The following IP6K2 variants were observed in gnomAD, a reference collection of about 807,000 sequenced individuals.
IP6K2 encodes the protein ATP:1D-myo-inositol-hexakisphosphate phosphotransferase.
IP6K2 carries 9 observed loss-of-function variants against 43.3 expected under a neutral mutation model. The observed-to-expected ratio is 0.21, with a 90% CI of 0.13 to 0.36. The LOEUF (loss-of-function observed/expected upper bound fraction) is 0.36, where lower values mean the gene tolerates loss of function less well. IP6K2 is among the 10% of genes least tolerant of loss of function. The pLI, the probability that IP6K2 is intolerant of heterozygous loss-of-function variation, is 1.00. For synonymous variants in IP6K2, 209 were observed against 202.4 expected, an observed-to-expected ratio of 1.03 and a Z score of -0.28; for missense variants, 332 against 538.4, an observed-to-expected ratio of 0.62 and a Z score of 3.79.
chr3:48,705,442 G>C (rs1162448686), intron 1 of IP6K2, among the ~76,000 whole-genome samples: 1 of 152,006 alleles, frequency 6.6e-6, no homozygotes, highest in Non-Finnish European at 1.5e-5. Flanking sequence ...ACTTTGGGAG[G>C]CCGAGGCGGG....
intron 1 of IP6K2, among the ~76,000 whole-genome samples, chr3:48,712,506 A>G (rs2080667478): frequency 6.6e-6 from 1 of 151,738 alleles, no homozygotes; most frequent in South Asian, 2.1e-4. Flanking sequence ...TTCACCTCCC[A>G]AAGTGCTGGG....
intron 2 of IP6K2, chr3:48,694,134 G>T: frequency 6.5e-7 from 1 of 1,528,668 alleles, no homozygotes; most frequent in Non-Finnish European, 8.8e-7. Flanking sequence ...GTGCAGAGGA[G>T]CCGGGGTGGG....
Position 48,689,730 on chromosome 3 carries a change from A to G in IP6K2, c.605-17T>C. 1 of 1,609,392 alleles carries G rather than the reference A, an allele frequency of 6.2e-7. No homozygotes were observed. Among genetic ancestry groups the G allele is most frequent in the Non-Finnish European group, 8.5e-7 (1 of 1,175,974 alleles). On this transcript the variant is annotated splice_polypyrimidine_tract_variant and intron_variant, in intron 4 of 5. Transcript: ENST00000328631. ...AGATAAATTCTGAGTAGTTAAGAAT[A>G]ATACCCCCAAAAGGAAGTGCTACTG...
chr3:48,704,424 G>C (rs547599025), intron 1 of IP6K2, among the ~76,000 whole-genome samples: 5 of 151,574 alleles, frequency 3.3e-5, no homozygotes, highest in Admixed American at 6.6e-5. Flanking sequence ...AGCATGAAGA[G>C]CTTTCTTACC....
chr3:48,714,847 C>CAA (rs61218247), intron 1 of IP6K2, among the ~76,000 whole-genome samples: 1,673 of 99,140 alleles, frequency 0.017, 81 homozygotes, highest in African/African-American at 0.033. Flanking sequence ...GACTCCGTCT[C>CAA]AAAAAAAAAA....
At position 48,688,887 on chromosome 3, in the gene IP6K2, G is replaced by T; in HGVS notation, c.781-114C>A. 8.9e-7 allele frequency: 1 copy of T among 1,129,130 alleles called. No individual in the cohort carries two copies. Among genetic ancestry groups the T allele is most frequent in the Non-Finnish European group, 1.3e-6 (1 of 799,976 alleles). 69.9% of individuals were successfully genotyped at this position (1,129,130 alleles called of 1,614,324 possible). ...CATGTGACAGCCCAGATCAGATAAA[G>T]TACACCAGTTGCACATGAGCCACTG... is the stretch of plus-strand genomic sequence containing the variant. On this transcript the variant is annotated intron_variant, in intron 5 of 5. Transcript: ENST00000328631. The surrounding 1 kb of genome is among the most constrained non-coding windows in gnomAD (Gnocchi z 5.1).
At chr3:48,716,382 T>C (rs1459958870) in intron 1 of IP6K2, 1 of 152,256 alleles carries the variant, frequency 6.6e-6, no homozygotes, top group East Asian at 1.9e-4. Context: ...TTTTCCCTGG[T>C]ATTTAAGAGC....
At chr3:48,693,342 G>C in intron 2 of IP6K2, 163 bp from the exon 3 acceptor site, 1 of 1,108,568 alleles carries the variant, frequency 9.0e-7, no homozygotes, top group Non-Finnish European at 1.4e-6. Context: ...AAAACAGCTA[G>C]AAAAGATGAC....
intron 1 of IP6K2, among the ~76,000 whole-genome samples, chr3:48,698,928 G>A (rs1023410803): frequency 6.6e-6 from 1 of 151,950 alleles, no homozygotes; most frequent in African/African-American, 2.4e-5. Flanking sequence ...GACAGAGTAA[G>A]ACCCTGTCTT....
intron 2 of IP6K2, chr3:48,694,022 CCT>C (rs1394177370): frequency 2.1e-6 from 3 of 1,400,292 alleles, no homozygotes; most frequent in Non-Finnish European, 2.8e-6. Flanking sequence ...TCCTCCCAGG[CCT>C]CTCTGCCCCA....
chr3:48,694,362 A>G, intron 2 of IP6K2: 2 of 1,544,812 alleles, frequency 1.3e-6, no homozygotes, highest in Admixed American at 2.0e-5. Flanking sequence ...CTTAAAGACA[A>G]TGTTTCAACA....
At position 48,695,191 on chromosome 3, in the gene IP6K2, C is replaced by T. The variant is rs755623255; in HGVS notation, c.101G>A (p.Arg34His). 6.9e-6 allele frequency: 11 copies of T among 1,591,636 alleles called. No homozygotes were observed. The highest frequency in any genetic ancestry group is 1.7e-4 in the Middle Eastern group (1 of 5,982). The change falls in exon 2 of 6, where the codon CGC becomes CAC. Residue 34 changes from arginine to histidine, a missense_variant. Transcript: ENST00000328631. This position sits in a 1 kb window ranked among gnomAD's most constrained non-coding sequence, Gnocchi z 4.6. Reference sequence around the variant, plus strand: ...CTTGCACAGGGTTGTCTCATTGAAGCGGAGCACGCATGAGTGCCCCCCGAC... The same window carrying T: ...CTTGCACAGGGTTGTCTCATTGAAGTGGAGCACGCATGAGTGCCCCCCGAC... ...HQVGGHSCVLRFNETTLCKPL... is the reference protein window; with the variant it reads ...HQVGGHSCVLHFNETTLCKPL...
intron 1 of IP6K2, among the ~76,000 whole-genome samples, chr3:48,712,242 A>T (rs894723023): frequency 3.6e-4 from 50 of 139,620 alleles, no homozygotes; most frequent in South Asian, 9.2e-4. Flanking sequence ...CAAAAAAAAA[A>T]TTTTTTTTTT....
chr3:48,708,049 G>A (rs943258965), intron 1 of IP6K2: 3 of 151,742 alleles, frequency 2.0e-5, no homozygotes, highest in African/African-American at 7.3e-5. Context: ...CACCAGCCTG[G>A]GCAAGATGGG....
intron 1 of IP6K2, among the ~76,000 whole-genome samples, chr3:48,713,284 G>A (rs1289418614): frequency 1.3e-5 from 2 of 152,182 alleles, no homozygotes; most frequent in Non-Finnish European, 2.9e-5. Flanking sequence ...TGTTGGCCCC[G>A]AAGCAGCCCC....
chr3:48,688,070 T>A lies in IP6K2; in HGVS notation c.*203A>T. The A allele has an allele frequency of 1.7e-6, 1 of 601,786 alleles. No homozygotes were observed. Among genetic ancestry groups the A allele is most frequent in the East Asian group, 2.8e-5 (1 of 36,184 alleles). 37.3% of individuals were successfully genotyped at this position (601,786 alleles called of 1,614,324 possible). On this transcript the variant is annotated 3_prime_UTR_variant, in exon 6 of 6. Coordinates refer to ENST00000328631, the MANE Select transcript of IP6K2 (RefSeq NM_016291.4). This position sits in a 1 kb window ranked among gnomAD's most constrained non-coding sequence, Gnocchi z 5.1. ...GGAAGAAAGAGGTATCATCATCAAA[T>A]GTGGAATGTTGAAGAAATAGTTAAA...
chr3:48,711,321 A>G (rs2080489890), intron 1 of IP6K2: 1 of 152,222 alleles, frequency 6.6e-6, no homozygotes, highest in African/African-American at 2.4e-5. Context: ...CTGGATTTAC[A>G]GTCCTCCTCT....
At chr3:48,700,335 TTCTC>T (rs748810754) in intron 1 of IP6K2, among the ~76,000 whole-genome samples, 4 of 152,016 alleles carry the variant, frequency 2.6e-5, no homozygotes, top group South Asian at 2.1e-4. Context: ...TGTCACCTGT[TTCTC>T]TCTCTCTCTT....
chr3:48,694,879 C>T, intron 2 of IP6K2: 1 of 1,538,814 alleles, frequency 6.5e-7, no homozygotes, highest in Non-Finnish European at 8.7e-7. Flanking sequence ...ATCCACACAA[C>T]AAAACAGAAT....
Sources: gnomAD v4.1 joint callset for allele counts (sites outside exome capture counted in the v4.1 genomes callset) on GRCh38, gnomAD v4.1.1 for gene constraint, Gnocchi (gnomAD v3.1) non-coding constraint, MANE v1.5 for transcripts, NCBI Gene and HGNC (gene_info 2026-07-23, HGNC 2026-07-21) for gene names.